The following COQ3 variants were observed in gnomAD, a reference collection of about 807,000 sequenced individuals.
COQ3 encodes the protein ubiquinone biosynthesis O-methyltransferase, mitochondrial.
Under a neutral mutation model 33.1 loss-of-function variants are expected in COQ3, and 29 were observed. The ratio of observed to expected loss-of-function variants is 0.88; its 90% CI spans 0.65 to 1.19. The LOEUF (loss-of-function observed/expected upper bound fraction) is 1.19. Ranked by LOEUF, COQ3 falls within the 50% of genes most tolerant of loss-of-function variation. The pLI, the probability that COQ3 is intolerant of heterozygous loss-of-function variation, is 0.00. For synonymous variants in COQ3, 173 were observed against 157.8 expected, an observed-to-expected ratio of 1.10 and a Z score of -0.72; for missense variants, 437 against 430.7, an observed-to-expected ratio of 1.01 and a Z score of -0.13.
chr6:99,385,096 G>A (rs555150001), intron 1 of COQ3, among the ~76,000 whole-genome samples: 1 of 152,294 alleles, frequency 6.6e-6, no homozygotes, highest in South Asian at 2.1e-4. Context: ...GGGCGACAGA[G>A]CAAGACTGTG....
In COQ3 at chr6:99,376,057, G is replaced by T; in HGVS notation, c.612C>A (p.Ser204=). 6.2e-7 allele frequency: 1 copy of T among 1,614,010 alleles called. No individual in the cohort carries two copies. Among genetic ancestry groups the T allele is most frequent in the South Asian group, 1.1e-5 (1 of 91,074 alleles). ...LDKRIEYRVC[S]LEEIVEETAE... is the part of the protein sequence containing the mutation. ...CAGTCTCTTCCACAATCTCTTCCAGGGAACACACTCTGTACTCTATTCTCT... is the reference window on the plus strand; with the variant it reads ...CAGTCTCTTCCACAATCTCTTCCAGTGAACACACTCTGTACTCTATTCTCT... The change falls in exon 5 of 7, where the codon TCC becomes TCA. Residue 204 remains serine (S), a synonymous_variant. Transcript: ENST00000254759.
chr6:99,374,133 A>G (rs928421517), intron 5 of COQ3, among the ~76,000 whole-genome samples: 3 of 149,788 alleles, frequency 2.0e-5, no homozygotes, highest in African/African-American at 7.4e-5. Context: ...AAAAAAAAAA[A>G]AAAAAAAAAA....
rs149183160 is a variant in COQ3 at position 99,375,260 on chromosome 6, G to A, written c.729+680C>T. Among the ~76,000 whole-genome samples, 233 of 151,804 alleles carry A rather than the reference G, an allele frequency of 1.5e-3. 1 individual carries two copies. Among genetic ancestry groups the A allele is most frequent in the Middle Eastern group, 0.014 (4 of 288 alleles). ...TGGGATTACAGGTGTGAGCCACTGTGCCCAGCCTCAAATCAATGTCTTATA... is the reference window on the plus strand; with the variant it reads ...TGGGATTACAGGTGTGAGCCACTGTACCCAGCCTCAAATCAATGTCTTATA... On this transcript the variant is annotated intron_variant, in intron 5 of 6. Coordinates refer to ENST00000254759, the MANE Select transcript of COQ3 (RefSeq NM_017421.4).
chr6:99,387,318 G>A (rs1234423690), intron 1 of COQ3, among the ~76,000 whole-genome samples: 1 of 152,080 alleles, frequency 6.6e-6, no homozygotes, highest in Admixed American at 6.6e-5. Context: ...AGGTATAGTG[G>A]TGTGCACCCA....
At position 99,376,141 on chromosome 6, in the gene COQ3, A is replaced by G; in HGVS notation, c.528T>C (p.Pro176=). ...GTGCTGTTTTAATGTTCTCATCCAC[A>G]GGGTCGATTCCAATAACTGAAGCCC... is the stretch of plus-strand genomic sequence containing the variant. The part of the protein sequence containing the change: ...RLGASVIGID[P]VDENIKTAQC... Residue 176 remains proline (P), a synonymous_variant, in exon 5 of 7, where the codon CCT becomes CCC. Transcript: ENST00000254759. The G allele has an allele frequency of 4.3e-6, 7 of 1,614,126 alleles. No homozygotes were observed. Among genetic ancestry groups the G allele is most frequent in the Non-Finnish European group, 5.1e-6 (6 of 1,180,028 alleles).
intron 4 of COQ3, among the ~76,000 whole-genome samples, chr6:99,376,643 T>G (rs1461351379): frequency 6.6e-6 from 1 of 152,224 alleles, no homozygotes; most frequent in Non-Finnish European, 1.5e-5. Flanking sequence ...TCAGCTTTTT[T>G]ATTTAGTCAT....
intron 1 of COQ3, among the ~76,000 whole-genome samples, chr6:99,386,583 T>C (rs1774660534): frequency 6.6e-6 from 1 of 152,136 alleles, no homozygotes; most frequent in African/African-American, 2.4e-5. Context: ...AGAAAAGATG[T>C]AAATCACCAA....
chr6:99,369,762 C>A lies in COQ3; in HGVS notation c.948G>T (p.Trp316Cys), dbSNP rs376598849. ...TAAGGCTGGTATTTTCACTCCAATG[C>A]CAGTAACCTGAGAAGGGGTTATAGA... ...GMLYNPFSGY[W>C]HWSENTSLNY... The change falls in exon 7 of 7, where the codon TGG becomes TGT. Residue 316 changes from tryptophan (W) to cysteine (C), a missense_variant. By Grantham distance (215) the Trp-to-Cys change is radical. Transcript: ENST00000254759. The A allele has an allele frequency of 6.2e-7, 1 of 1,613,424 alleles. No homozygotes were observed. The highest frequency in any genetic ancestry group is 1.7e-5 in the Admixed American group (1 of 59,968).
At chr6:99,391,356 G>A (rs1774824499) in intron 1 of COQ3, among the ~76,000 whole-genome samples, 1 of 151,304 alleles carries the variant, frequency 6.6e-6, no homozygotes, top group African/African-American at 2.4e-5. Context: ...CACCTGCCTC[G>A]ACCTCCCAAA....
At chr6:99,382,111 T>C (rs1318054044) in intron 2 of COQ3, among the ~76,000 whole-genome samples, 1 of 152,174 alleles carries the variant, frequency 6.6e-6, no homozygotes, top group African/African-American at 2.4e-5. Flanking sequence ...ATGGACTGTC[T>C]TCCTTACCAT....
At chr6:99,381,457 G>T (rs139695685) in intron 2 of COQ3, among the ~76,000 whole-genome samples, 1 of 152,056 alleles carries the variant, frequency 6.6e-6, no homozygotes, top group African/African-American at 2.4e-5. Flanking sequence ...CCAACCACAT[G>T]GGTCCTTTTT....
chr6:99,370,541 G>T (rs1339597293), intron 6 of COQ3, among the ~76,000 whole-genome samples: 1 of 151,474 alleles, frequency 6.6e-6, no homozygotes, highest in Non-Finnish European at 1.5e-5. Context: ...TAGAGACAGG[G>T]TTTCACCACA....
rs1478090311 is a variant in COQ3, at chr6:99,376,159, T to C, written c.510A>G (p.Ser170=). Residue 170 remains serine, a synonymous_variant, in exon 5 of 7, where the codon TCA becomes TCG. Coordinates refer to ENST00000254759, the MANE Select transcript of COQ3 (RefSeq NM_017421.4). ...CATCCACAGGGTCGATTCCAATAAC[T>C]GAAGCCCCAAGCCGCCCTAGAGGCT... ...LTEPLGRLGA[S]VIGIDPVDEN... 1 of 1,614,078 alleles carries C rather than the reference T, an allele frequency of 6.2e-7. No individual in the cohort carries two copies. The highest frequency in any genetic ancestry group is 1.1e-5 in the South Asian group (1 of 91,082).
At position 99,387,539 on chromosome 6, in the gene COQ3, T is replaced by C. The variant is rs116519095; in HGVS notation, c.107-3715A>G. ...GATACAGACAAAGCATTTAACAAAA[T>C]CCATATCCATTATGATTAAAAACTT... On this transcript the variant is annotated intron_variant, in intron 1 of 6. Transcript: ENST00000254759. Among the ~76,000 whole-genome samples, 737 of 152,208 alleles carry C rather than the reference T, an allele frequency of 4.8e-3. 11 individuals are homozygous for C. The highest frequency in any genetic ancestry group is 0.017 in the African/African-American group (703 of 41,520).
intron 1 of COQ3, 69 bp downstream of exon 1, chr6:99,394,005 C>T: frequency 7.4e-7 from 1 of 1,349,236 alleles, no homozygotes; most frequent in Non-Finnish European, 1.1e-6. Context: ...GCCCCACCCC[C>T]GGCGCATGCG....
chr6:99,383,421 A>T (rs1774527509), intron 2 of COQ3, among the ~76,000 whole-genome samples: 1 of 152,206 alleles, frequency 6.6e-6, no homozygotes, highest in South Asian at 2.1e-4. Context: ...TCTCTAAGTA[A>T]TAGCCTTATA....
chr6:99,377,774 A>G (rs901208718), intron 3 of COQ3, among the ~76,000 whole-genome samples: 2 of 152,052 alleles, frequency 1.3e-5, no homozygotes, highest in African/African-American at 4.8e-5. Flanking sequence ...CCTAATTTCA[A>G]TTGCTTGAGA....
chr6:99,384,848 C>T (rs567781204), intron 1 of COQ3, among the ~76,000 whole-genome samples: 1 of 152,146 alleles, frequency 6.6e-6, no homozygotes, highest in African/African-American at 2.4e-5. Flanking sequence ...CAGTGGCTCA[C>T]GCTTGTAATC....
At chr6:99,391,101 T>TGA (rs759407786) in intron 1 of COQ3, among the ~76,000 whole-genome samples, 9,738 of 150,730 alleles carry the variant, frequency 0.065, 486 homozygotes, top group Non-Finnish European at 0.09. Flanking sequence ...ATTTATTTAT[T>TGA]TATTTATTTA....
Sources: gnomAD v4.1 joint callset for allele counts (sites outside exome capture counted in the v4.1 genomes callset) on GRCh38, gnomAD v4.1.1 for gene constraint, MANE v1.5 for transcripts, NCBI Gene and HGNC (gene_info 2026-07-23, HGNC 2026-07-21) for gene names.